Variants in ZMIZ1 observed in about 807,000 individuals in gnomAD.
ZMIZ1 encodes zinc finger MIZ domain-containing protein 1.
In ZMIZ1, 17 loss-of-function variants were observed where a neutral mutation model predicts 113.9. The ratio of observed to expected loss-of-function variants is 0.15; its 90% confidence interval spans 0.10 to 0.22. The LOEUF (loss-of-function observed/expected upper bound fraction) is 0.22. Among genes scored for constraint, ZMIZ1 ranks in the 10% least tolerant of loss-of-function variants. The pLI, the probability that ZMIZ1 is intolerant of heterozygous loss-of-function variation, is 1.00. For synonymous variants in ZMIZ1, 607 were observed against 603.1 expected, an observed-to-expected ratio of 1.01 and a Z score of -0.09; for missense variants, 1,059 against 1,477.8, an observed-to-expected ratio of 0.72 and a Z score of 4.65.
At chr10:79,111,807 C>T (rs973468261) in intron 1 of ZMIZ1, among the ~76,000 whole-genome samples, 2 of 152,164 alleles carry the variant, frequency 1.3e-5, no homozygotes, top group African/African-American at 4.8e-5. Context: ...AAAATTACAG[C>T]AGGTGTGATG....
At chr10:79,108,399 T>G (rs999073933) in intron 1 of ZMIZ1, among the ~76,000 whole-genome samples, 1 of 152,132 alleles carries the variant, frequency 6.6e-6, no homozygotes, top group Non-Finnish European at 1.5e-5. Context: ...AATGGACTGT[T>G]CACCCCACCC....
chr10:79,211,262 AC>A (rs1323008835), intron 6 of ZMIZ1, among the ~76,000 whole-genome samples: 12 of 152,078 alleles, frequency 7.9e-5, no homozygotes, highest in South Asian at 2.1e-4. Flanking sequence ...GGAGCAGCTT[AC>A]CCTAGTCCCA....
Position 79,134,892 on chromosome 10 carries a change from C to T in ZMIZ1, c.-226-4790C>T, listed in dbSNP as rs148266715. ...TGCCCAGGCTGGTGCTATCTTGGCTCACTGCAACCTCTGCCTCCCGGGTTC... is the reference window on the plus strand; with the variant it reads ...TGCCCAGGCTGGTGCTATCTTGGCTTACTGCAACCTCTGCCTCCCGGGTTC... On this transcript the variant is annotated intron_variant, in intron 2 of 24. Transcript: ENST00000334512. 3.3e-3 allele frequency among the ~76,000 whole-genome samples: 507 copies of T among 151,692 alleles called. 4 individuals are homozygous for T. Among genetic ancestry groups the T allele is most frequent in the African/African-American group, 0.012 (491 of 41,352 alleles).
Position 79,130,473 on chromosome 10 carries a change from G to A in ZMIZ1, c.-226-9209G>A, listed in dbSNP as rs138653459. Reference sequence around the variant, plus strand: ...CAGCCAGGTGCCAAATGGATGCAGTGCCCCTGCCGTGCCCTTCTCAGACTC... The same window carrying A: ...CAGCCAGGTGCCAAATGGATGCAGTACCCCTGCCGTGCCCTTCTCAGACTC... On this transcript the variant is annotated intron_variant, in intron 2 of 24. Coordinates refer to ENST00000334512, the MANE Select transcript of ZMIZ1 (RefSeq NM_020338.4). Among the ~76,000 whole-genome samples, 895 of 152,326 alleles carry A rather than the reference G, an allele frequency of 5.9e-3. 9 individuals are homozygous for A. Among genetic ancestry groups the A allele is most frequent in the African/African-American group, 0.02 (836 of 41,582 alleles).
In ZMIZ1 at chr10:79,315,067, G is replaced by A. The variant is rs1455397272; in HGVS notation, c.*2318G>A. The A allele has an allele frequency of 1.3e-5, 2 of 152,804 alleles. No homozygotes were observed. Among genetic ancestry groups the A allele is most frequent in the African/African-American group, 2.4e-5 (1 of 41,428 alleles). The allele number at this position is 152,804 out of a possible 1,614,324, so 9.5% of individuals were successfully genotyped here. On this transcript the variant is annotated 3_prime_UTR_variant, in exon 25 of 25. Coordinates refer to ENST00000334512, the MANE Select transcript of ZMIZ1 (RefSeq NM_020338.4). ...CCACGGCTTTCCAGTGCGGAGAGTC[G>A]AGATGCTCCCTGCAGCCCAGGCCCC...
intron 11 of ZMIZ1, 77 bp from the exon 12 acceptor site, chr10:79,293,304 T>A: frequency 1.9e-3 from 1,814 of 976,502 alleles, no homozygotes; most frequent in Non-Finnish European, 2.4e-3. Flanking sequence ...AACCCTTCCC[T>A]CCCTGCACTT....
chr10:79,249,642 C>T (rs760750905), intron 7 of ZMIZ1, among the ~76,000 whole-genome samples: 2 of 152,206 alleles, frequency 1.3e-5, no homozygotes, highest in Non-Finnish European at 2.9e-5. Flanking sequence ...TTTTCAGTTC[C>T]TCAGTCACAG....
intron 1 of ZMIZ1, among the ~76,000 whole-genome samples, chr10:79,092,503 C>T (rs1251744360): frequency 6.6e-6 from 1 of 152,252 alleles, no homozygotes; most frequent in Non-Finnish European, 1.5e-5. Context: ...CTAGGAGACC[C>T]AGGCTTGGGC....
intron 1 of ZMIZ1, among the ~76,000 whole-genome samples, chr10:79,092,853 G>A (rs1843027030): frequency 6.6e-6 from 1 of 152,038 alleles, no homozygotes; most frequent in African/African-American, 2.4e-5. Context: ...CTGTAAGATG[G>A]GTGTATTTTG....
At chr10:79,266,583 C>T (rs1050247688) in intron 7 of ZMIZ1, among the ~76,000 whole-genome samples, 2 of 152,160 alleles carry the variant, frequency 1.3e-5, no homozygotes, top group Admixed American at 6.5e-5. Context: ...TACAGAAGCA[C>T]ACACATGGCC....
chr10:79,090,257 A>G (rs1367717592), intron 1 of ZMIZ1, among the ~76,000 whole-genome samples: 2 of 152,136 alleles, frequency 1.3e-5, no homozygotes, highest in Non-Finnish European at 2.9e-5. Flanking sequence ...GGTGCCCCTG[A>G]GCAGTGGGGA....
At chr10:79,110,920 C>T (rs1453764674) in intron 1 of ZMIZ1, among the ~76,000 whole-genome samples, 1 of 152,194 alleles carries the variant, frequency 6.6e-6, no homozygotes, top group Non-Finnish European at 1.5e-5. Context: ...AACAGGTATC[C>T]CAGTGTGATA....
chr10:79,118,428 G>C lies in ZMIZ1; in HGVS notation c.-336-487G>C, dbSNP rs1034160227. Among the ~76,000 whole-genome samples the C allele has an allele frequency of 2.0e-5, 3 of 152,204 alleles. No homozygotes were observed. The highest frequency in any genetic ancestry group is 2.0e-4 in the Admixed American group (3 of 15,284). Reference sequence around the variant, plus strand: ...GAGTGTCCTGTGGGAAGCGGGAGGAGGCAAGGTTGGCCAGGCGCACAGCCC... The same window carrying C: ...GAGTGTCCTGTGGGAAGCGGGAGGACGCAAGGTTGGCCAGGCGCACAGCCC... On this transcript the variant is annotated intron_variant, in intron 1 of 24. Transcript: ENST00000334512. This position sits in a 1 kb window ranked among gnomAD's most constrained non-coding sequence, Gnocchi z 4.1.
intron 1 of ZMIZ1, among the ~76,000 whole-genome samples, chr10:79,109,933 C>G (rs997706928): frequency 7.2e-5 from 11 of 152,254 alleles, no homozygotes; most frequent in Non-Finnish European, 1.5e-4. Flanking sequence ...TAATGACCCT[C>G]ACCAGTGGTC....
Position 79,307,163 on chromosome 10 carries a change from C to T in ZMIZ1, c.2669-242C>T, listed in dbSNP as rs138364912. Reference sequence around the variant, plus strand: ...CAGGAGCCTGGCCCGCCCCCTTTGTCCCACTCTGCCCCCTCCTCCATAGCA... The same window carrying T: ...CAGGAGCCTGGCCCGCCCCCTTTGTTCCACTCTGCCCCCTCCTCCATAGCA... On this transcript the variant is annotated intron_variant, in intron 22 of 24. Transcript: ENST00000334512. Among the ~76,000 whole-genome samples, 1,026 of 152,238 alleles carry T rather than the reference C, an allele frequency of 6.7e-3. 33 individuals are homozygous for T. The highest frequency in any genetic ancestry group is 0.049 in the Admixed American group (752 of 15,300).
intron 23 of ZMIZ1, among the ~76,000 whole-genome samples, chr10:79,308,036 G>A (rs1373300370): frequency 6.6e-6 from 1 of 152,204 alleles, no homozygotes; most frequent in Non-Finnish European, 1.5e-5. Context: ...CTGATTATCT[G>A]AAGAGCATTC....
In ZMIZ1 at chr10:79,292,244, C is replaced by T; in HGVS notation, c.845C>T (p.Ala282Val). The T allele has an allele frequency of 6.2e-7, 1 of 1,612,382 alleles. No homozygotes were observed. Residue 282 changes from alanine to valine, a missense_variant, in exon 11 of 25, where the codon GCC becomes GTC. Around this residue, in one of 6 missense-constraint regions of ZMIZ1, gnomAD observed 23 missense variants for 73.3 expected, o/e 0.31. Transcript: ENST00000334512. ...GCTGACTTCACTCAGCCCGCGGCAG[C>T]CGCTGCAGCAGCGGCAGTGGCAGCA... ...PPADFTQPAA[A>V]AAAAAVAAAA... is the part of the protein sequence containing the mutation.
intron 7 of ZMIZ1, among the ~76,000 whole-genome samples, chr10:79,236,537 G>A (rs1849597738): frequency 6.6e-6 from 1 of 152,166 alleles, no homozygotes; most frequent in African/African-American, 2.4e-5. Context: ...GGCGACTCCA[G>A]AAATCAATGG....
chr10:79,163,776 C>T lies in ZMIZ1; in HGVS notation c.-50+1643C>T, dbSNP rs1191969140. ...CAGCCTTTGCCCAGCCCGCCAAGTC[C>T]GCTGCTCTCTGGAGCCAGAGGGTGG... is the stretch of plus-strand genomic sequence containing the variant. On this transcript the variant is annotated intron_variant, in intron 4 of 24. Transcript: ENST00000334512. Among the ~76,000 whole-genome samples the T allele has an allele frequency of 4.6e-5, 7 of 152,236 alleles. No homozygotes were observed. The East Asian group carries it at 5.8e-4, about 13-fold the overall frequency.
Sources: gnomAD v4.1 joint callset for allele counts (sites outside exome capture counted in the v4.1 genomes callset) on GRCh38, gnomAD v4.1.1 for gene constraint, gnomAD v4.1.1 regional missense constraint, Gnocchi (gnomAD v3.1) non-coding constraint, MANE v1.5 for transcripts, NCBI Gene and HGNC (gene_info 2026-07-23, HGNC 2026-07-21) for gene names.